ARID2: variants seen among roughly 807,000 people sequenced by gnomAD.
The protein encoded by ARID2 is AT-rich interactive domain-containing protein 2.
Under a neutral mutation model 184.6 loss-of-function variants are expected in ARID2, and 32 were observed. The ratio of observed to expected loss-of-function variants is 0.17; its 90% CI spans 0.13 to 0.23. ARID2 has a LOEUF of 0.23. Ranked by LOEUF, ARID2 falls within the 10% of genes least tolerant of loss-of-function variation. ARID2 has a pLI of 1.00. For missense variants in ARID2, 1,696 were observed against 2,197.6 expected, an observed-to-expected ratio of 0.77 and a Z score of 4.56; for synonymous variants, 836 against 772.6, an observed-to-expected ratio of 1.08 and a Z score of -1.36.
intron 20 of ARID2, among the ~76,000 whole-genome samples, chr12:45,899,992 C>T (rs924657873): frequency 1.3e-5 from 2 of 151,760 alleles, no homozygotes; most frequent in African/African-American, 2.4e-5. Flanking sequence ...TTGATTAAAT[C>T]TTAAATCAGA....
At chr12:45,799,465 G>T (rs1394953367) in intron 3 of ARID2, among the ~76,000 whole-genome samples, 1 of 151,810 alleles carries the variant, frequency 6.6e-6, no homozygotes. Flanking sequence ...TTTTTTTGTT[G>T]AAATTTATTT....
rs2138172837 is a variant in ARID2 at position 45,851,673 on chromosome 12, C to T, written c.3550C>T (p.Pro1184Ser). ...AGTTGTGCCAAATACGAGTTTTGCA[C>T]CTGCAACTGTGAGTCAGGGAAATGC... ...ITVVPNTSFA[P>S]ATVSQGNATQ... is the part of the protein sequence containing the mutation. Residue 1184 changes from proline to serine, a missense_variant, in exon 15 of 21, where the codon CCT (proline) becomes TCT (serine). By Grantham distance (74) the Pro-to-Ser change is moderately conservative. Transcript: ENST00000334344. 1.2e-6 allele frequency: 2 copies of T among 1,614,132 alleles called. No individual in the cohort carries two copies. Among genetic ancestry groups the T allele is most frequent in the South Asian group, 2.2e-5 (2 of 91,090 alleles).
At chr12:45,833,884 GT>G (rs532681899) in intron 6 of ARID2, among the ~76,000 whole-genome samples, 238 of 152,166 alleles carry the variant, frequency 1.6e-3, no homozygotes, top group Non-Finnish European at 2.9e-3. Context: ...CAAAGTATAT[GT>G]ATGTAGATTC....
chr12:45,781,818 A>C (rs1942095739), intron 3 of ARID2, among the ~76,000 whole-genome samples: 1 of 152,212 alleles, frequency 6.6e-6, no homozygotes, highest in South Asian at 2.1e-4. Context: ...ACATACTTTA[A>C]GTGCTCTTAG....
chr12:45,852,996 T>C (rs1488867770), intron 15 of ARID2, 100 bp downstream of exon 15: 1 of 1,427,210 alleles, frequency 7.0e-7, no homozygotes, highest in Admixed American at 3.0e-5. Flanking sequence ...TCTTGAAAAG[T>C]TACTGTATCA....
chr12:45,805,299 A>G (rs1244587421), intron 3 of ARID2, among the ~76,000 whole-genome samples: 1 of 152,170 alleles, frequency 6.6e-6, no homozygotes, highest in Non-Finnish European at 1.5e-5. Context: ...CTGATAACCT[A>G]TTTACCTTAA....
At chr12:45,772,467 T>G (rs1045757141) in intron 3 of ARID2, among the ~76,000 whole-genome samples, 3 of 152,062 alleles carry the variant, frequency 2.0e-5, no homozygotes, top group Admixed American at 6.5e-5. Context: ...TCAGACTGGA[T>G]AAAAAATACA....
chr12:45,807,066 A>G (rs1325074906), intron 3 of ARID2, among the ~76,000 whole-genome samples: 1 of 152,204 alleles, frequency 6.6e-6, no homozygotes, highest in African/African-American at 2.4e-5. Context: ...GTTTGGGCCT[A>G]GGATCCACCA....
intron 11 of ARID2, chr12:45,839,961 A>C (rs1943310827): frequency 6.4e-6 from 1 of 156,956 alleles, no homozygotes; most frequent in Non-Finnish European, 1.4e-5. Context: ...AGACACATGC[A>C]CATATGTATA....
At chr12:45,742,356 A>G (rs571403071) in intron 3 of ARID2, among the ~76,000 whole-genome samples, 8 of 152,340 alleles carry the variant, frequency 5.3e-5, no homozygotes, top group African/African-American at 1.9e-4. Flanking sequence ...AACATGCTGT[A>G]TAGGTATGTA....
At chr12:45,770,170 G>A (rs990380877) in intron 3 of ARID2, among the ~76,000 whole-genome samples, 20 of 151,758 alleles carry the variant, frequency 1.3e-4, no homozygotes, top group Admixed American at 6.6e-4. Context: ...GGAGAATGGC[G>A]TGAATACGGG....
intron 16 of ARID2, among the ~76,000 whole-genome samples, chr12:45,873,405 C>T (rs1194608027): frequency 6.6e-6 from 1 of 152,180 alleles, no homozygotes; most frequent in Non-Finnish European, 1.5e-5. Flanking sequence ...TCTTTTTCTG[C>T]TGTCCCATTT....
chr12:45,885,314 A>G (rs1461048029), intron 16 of ARID2, among the ~76,000 whole-genome samples: 24 of 152,082 alleles, frequency 1.6e-4, no homozygotes. Context: ...TTTTAAAACT[A>G]AAATATGTTT....
chr12:45,736,820 T>A (rs1194538804), intron 3 of ARID2, among the ~76,000 whole-genome samples: 2 of 152,204 alleles, frequency 1.3e-5, no homozygotes, highest in Non-Finnish European at 2.9e-5. Flanking sequence ...CTTAGAGACT[T>A]TATTTTGCTA....
At chr12:45,789,675 C>T (rs1323926453) in intron 3 of ARID2, 2 of 152,124 alleles carry the variant, frequency 1.3e-5, no homozygotes, top group African/African-American at 4.8e-5. Context: ...GTCAATTGCT[C>T]TGTGTTATTC....
chr12:45,770,177 C>T (rs188250173), intron 3 of ARID2, among the ~76,000 whole-genome samples: 11 of 151,628 alleles, frequency 7.3e-5, no homozygotes, highest in South Asian at 4.2e-4. Context: ...GGCGTGAATA[C>T]GGGAGGCAGA....
chr12:45,734,593 T>C (rs2137968138), intron 3 of ARID2, among the ~76,000 whole-genome samples: 1 of 151,896 alleles, frequency 6.6e-6, no homozygotes, highest in East Asian at 1.9e-4. Context: ...AAAAATTAAA[T>C]GGCTTAGGGA....
chr12:45,875,313 A>T (rs1035289951), intron 16 of ARID2, among the ~76,000 whole-genome samples: 4 of 152,230 alleles, frequency 2.6e-5, no homozygotes, highest in Non-Finnish European at 5.9e-5. Context: ...TTTCAATAGC[A>T]GACTTAAAAT....
At chr12:45,741,111 G>T (rs1941245013) in intron 3 of ARID2, among the ~76,000 whole-genome samples, 1 of 152,070 alleles carries the variant, frequency 6.6e-6, no homozygotes, top group African/African-American at 2.4e-5. Flanking sequence ...TATGATACTT[G>T]CATTTATTTG....
Sources: gnomAD v4.1 joint callset for allele counts (sites outside exome capture counted in the v4.1 genomes callset) on GRCh38, gnomAD v4.1.1 for gene constraint, MANE v1.5 for transcripts, NCBI Gene and HGNC (gene_info 2026-07-23, HGNC 2026-07-21) for gene names.